FAIM2: variants seen among roughly 807,000 people sequenced by gnomAD.
The protein encoded by FAIM2 is Fas apoptotic inhibitory molecule 2.
A neutral mutation model predicts 47.4 loss-of-function variants in FAIM2; 27 were observed. The ratio of observed to expected loss-of-function variants is 0.57; its 90% confidence interval spans 0.42 to 0.78. The LOEUF (loss-of-function observed/expected upper bound fraction) is 0.78. FAIM2 is among the 30% of genes least tolerant of loss of function. The pLI, the probability that FAIM2 is intolerant of heterozygous loss-of-function variation, is 0.00. For synonymous variants in FAIM2, 156 were observed against 159.3 expected (o/e 0.98, Z 0.16); for missense variants, 311 against 389.4 (o/e 0.80, Z 1.69).
At chr12:49,893,210 C>T (rs1030989803) in intron 5 of FAIM2, among the ~76,000 whole-genome samples, 1 of 152,182 alleles carries the variant, frequency 6.6e-6, no homozygotes, top group Non-Finnish European at 1.5e-5. Context: ...AGCAATCAGA[C>T]AATGCATTCC....
chr12:49,893,485 T>C (rs999607929), intron 5 of FAIM2, among the ~76,000 whole-genome samples: 1 of 152,230 alleles, frequency 6.6e-6, no homozygotes, highest in Non-Finnish European at 1.5e-5. Context: ...GGGGCCAGCC[T>C]GCAACTTATC....
intron 9 of FAIM2, 66 bp downstream of exon 9, chr12:49,889,415 A>C (rs1592791298): frequency 2.1e-6 from 3 of 1,458,042 alleles, no homozygotes; most frequent in Non-Finnish European, 2.9e-6. Flanking sequence ...TGAGGCCCCC[A>C]CCCCATCTGC....
At chr12:49,887,911 G>C (rs1392002096) in intron 10 of FAIM2, among the ~76,000 whole-genome samples, 1 of 152,174 alleles carries the variant, frequency 6.6e-6, no homozygotes, top group Non-Finnish European at 1.5e-5. Flanking sequence ...GGTGTGTTGG[G>C]GGGGCATCTG....
chr12:49,901,092 C>T lies in FAIM2; in HGVS notation c.211+38G>A, dbSNP rs549348525. 1.3e-5 allele frequency: 20 copies of T among 1,502,046 alleles called. No individual in the cohort carries two copies. In the East Asian group the frequency reaches 2.8e-4, roughly 21 times the overall value. The allele number at this position is 1,502,046 out of a possible 1,614,324, so 93.0% of individuals were successfully genotyped here. A position where few individuals can be genotyped will look rare whatever the true frequency, so the allele number is the denominator to read the frequency against. ...GTTTTCCCTCTGGGTCCACCCCCAC[C>T]CCATGATGCTTCAGGTTCCAGGAGC... On this transcript the variant is annotated intron_variant, in intron 2 of 11. Transcript: ENST00000320634.
rs1946667705 is a variant in FAIM2 at position 49,867,046 on chromosome 12, C to T, written c.*3458G>A. 6.6e-6 allele frequency: 1 copy of T among 152,350 alleles called. No individual in the cohort carries two copies. Among genetic ancestry groups the T allele is most frequent in the Non-Finnish European group, 1.5e-5 (1 of 68,240 alleles). 9.4% of individuals were successfully genotyped at this position (152,350 alleles called of 1,614,324 possible). A position where few individuals can be genotyped will look rare whatever the true frequency, so the allele number is the denominator to read the frequency against. On this transcript the variant is annotated 3_prime_UTR_variant, in exon 12 of 12. Transcript: ENST00000320634. ...GAGTGTCGGGGGTGTGGCAGCTGGC[C>T]TGGGTCCCTGGAGCTGTGTCTGCCC... is the stretch of plus-strand genomic sequence containing the variant.
intron 10 of FAIM2, among the ~76,000 whole-genome samples, chr12:49,888,670 C>T (rs972834353): frequency 2.0e-5 from 3 of 152,158 alleles, no homozygotes; most frequent in Non-Finnish European, 4.4e-5. Flanking sequence ...CGCTGCCCCA[C>T]GTCCCGCCTG....
At chr12:49,873,221 C>T (rs1442056257) in intron 11 of FAIM2, among the ~76,000 whole-genome samples, 1 of 152,060 alleles carries the variant, frequency 6.6e-6, no homozygotes, top group African/African-American at 2.4e-5. Flanking sequence ...CTCCATTGCT[C>T]AGTAGCCAAG....
rs151264255 is a variant in FAIM2 at position 49,898,065 on chromosome 12, A to G, written c.237T>C (p.Gly79=). 3.3e-5 allele frequency: 54 copies of G among 1,613,796 alleles called. No homozygotes were observed. The African/African-American group carries it at 5.6e-4, about 17-fold the overall frequency. ...AGAGCTCATGGTCTCCGGTGGGGAA[A>G]CCGTTGTCATAGCTGGAGCTGCTGC... ...DPSSSSSYDN[G]FPTGDHELFT... is the part of the protein sequence containing the mutation. Residue 79 remains glycine (G), a synonymous_variant, in exon 3 of 12, where the codon GGT becomes GGC. Coordinates refer to ENST00000320634, the MANE Select transcript of FAIM2 (RefSeq NM_012306.4).
intron 10 of FAIM2, among the ~76,000 whole-genome samples, chr12:49,887,673 G>C (rs1425465297): frequency 2.0e-5 from 3 of 152,118 alleles, no homozygotes; most frequent in African/African-American, 7.2e-5. Flanking sequence ...CCCCGAGCCT[G>C]GTCGTTCTTC....
intron 5 of FAIM2, among the ~76,000 whole-genome samples, chr12:49,892,977 C>T (rs1422363627): frequency 2.0e-5 from 3 of 152,186 alleles, no homozygotes; most frequent in Non-Finnish European, 4.4e-5. Flanking sequence ...CTGCTACACC[C>T]AATTAACCAC....
Position 49,897,916 on chromosome 12 carries a change from TG to T in FAIM2, c.315+70del. 5 of 1,179,718 alleles carry T rather than the reference TG, an allele frequency of 4.2e-6. No homozygotes were observed. The South Asian group carries it at 6.1e-5, about 14-fold the overall frequency. 73.1% of individuals were successfully genotyped at this position (1,179,718 alleles called of 1,614,324 possible). On this transcript the variant is annotated intron_variant, in intron 3 of 11. Transcript: ENST00000320634. Reference sequence around the variant, plus strand: ...GGGATGGCTTCTGCAGGCAGAGGGTTGGGCCAGGGACCTCTCCAGGGGCTCC... The same window carrying T: ...GGGATGGCTTCTGCAGGCAGAGGGTTGGCCAGGGACCTCTCCAGGGGCTCC...
intron 1 of FAIM2, 115 bp from the exon 2 acceptor site, chr12:49,901,440 C>T (rs1265075859): frequency 1.3e-6 from 1 of 765,464 alleles, no homozygotes; most frequent in Non-Finnish European, 2.0e-6. Flanking sequence ...CTTACCTGCA[C>T]TTGGAAGCCA....
At chr12:49,897,137 T>C in intron 4 of FAIM2, 53 bp from the exon 5 acceptor site, 1 of 1,424,360 alleles carries the variant, frequency 7.0e-7, no homozygotes, top group Non-Finnish European at 9.9e-7. Context: ...TAGGTCTCCA[T>C]TTCTGGTTCA....
rs1220145549 is a variant in FAIM2, at chr12:49,869,321, A to G, written c.*1183T>C. ...TTAGCATCAGCTGGATGGCTTCCAA[A>G]TTGGAGAGATGCAGAGATAAGTGGG... is the stretch of plus-strand genomic sequence containing the variant. On this transcript the variant is annotated 3_prime_UTR_variant, in exon 12 of 12. Coordinates refer to ENST00000320634, the MANE Select transcript of FAIM2 (RefSeq NM_012306.4). The G allele has an allele frequency of 6.5e-6, 1 of 153,132 alleles. No individual in the cohort carries two copies. The highest frequency in any genetic ancestry group is 1.5e-5 in the Non-Finnish European group (1 of 68,488). The allele number at this position is 153,132 out of a possible 1,614,324, so 9.5% of individuals were successfully genotyped here. A position where few individuals can be genotyped will look rare whatever the true frequency, so the allele number is the denominator to read the frequency against.
rs778524159 is a variant in FAIM2 at position 49,901,259 on chromosome 12, C to G, written c.82G>C (p.Ala28Pro). The G allele has an allele frequency of 3.1e-6, 5 of 1,610,212 alleles. No individual in the cohort carries two copies. In the East Asian group the frequency reaches 6.8e-5, roughly 22 times the overall value. Residue 28 changes from alanine to proline, a missense_variant, in exon 2 of 12, where the codon GCT (alanine) becomes CCT (proline). Physicochemically the swap from Ala to Pro is conservative, Grantham distance 27. Transcript: ENST00000320634. ...QQQVHGEKKE[A>P]PAVPSAPPSY... ...GGTGGGGCTGAGGGCACTGCTGGAG[C>G]CTCCTTCTTCTCGCCATGCACCTGC...
chr12:49,897,433 CCAG>C, intron 4 of FAIM2, 83 bp downstream of exon 4: 1 of 1,271,730 alleles, frequency 7.9e-7, no homozygotes, highest in South Asian at 1.2e-5. Flanking sequence ...AGGCAGCATT[CCAG>C]CAGGAGTCTG....
intron 8 of FAIM2, 25 bp downstream of exon 8, chr12:49,890,092 C>T (rs1397582719): frequency 1.2e-6 from 2 of 1,612,678 alleles, no homozygotes; most frequent in South Asian, 2.2e-5. Flanking sequence ...TATGGTCCTT[C>T]TCTCCTTCCA....
At chr12:49,897,188 G>A in intron 4 of FAIM2, 104 bp from the exon 5 acceptor site, 1 of 1,004,082 alleles carries the variant, frequency 1.0e-6, no homozygotes, top group South Asian at 1.3e-5. Flanking sequence ...AACTTGAGAG[G>A]AAGCCAAAGG....
chr12:49,891,035 A>T (rs770827787), intron 6 of FAIM2, 29 bp downstream of exon 6: 1 of 1,611,272 alleles, frequency 6.2e-7, no homozygotes, highest in Non-Finnish European at 8.5e-7. Context: ...TCATATTCCC[A>T]CAAGTTCCTC....
Sources: allele counts gnomAD v4.1 joint callset (sites outside exome capture counted in the v4.1 genomes callset), GRCh38; gene constraint gnomAD v4.1.1; transcripts MANE v1.5; gene names NCBI Gene and HGNC (gene_info 2026-07-23, HGNC 2026-07-21).